The following NR6A1 variants were observed in gnomAD, a reference collection of about 807,000 sequenced individuals.
NR6A1 encodes the protein nuclear receptor subfamily 6 group A member 1.
NR6A1 carries 7 observed loss-of-function variants against 59.1 expected under a neutral mutation model. The ratio of observed to expected loss-of-function variants is 0.12; its 90% CI spans 0.07 to 0.22. The LOEUF (loss-of-function observed/expected upper bound fraction) is 0.22. NR6A1 is among the 10% of genes least tolerant of loss of function. The probability of loss-of-function intolerance (pLI) is 1.00; values close to 1 mark genes in which losing one functional copy is unlikely to be tolerated. For synonymous variants in NR6A1, 243 were observed against 236.1 expected (o/e 1.03, Z -0.27); for missense variants, 468 against 611.6 (o/e 0.77, Z 2.48).
At chr9:124,673,100 T>A (rs1036325233) in intron 2 of NR6A1, among the ~76,000 whole-genome samples, 2 of 152,166 alleles carry the variant, frequency 1.3e-5, no homozygotes, top group Non-Finnish European at 2.9e-5. Flanking sequence ...GGCTAGCGGA[T>A]TGCTTGAGCC....
chr9:124,611,179 A>G (rs1835731216), intron 2 of NR6A1, among the ~76,000 whole-genome samples: 1 of 152,106 alleles, frequency 6.6e-6, no homozygotes. Context: ...TTACCAAAAA[A>G]AAAACAAAAT....
At chr9:124,653,467 G>A (rs570756792) in intron 2 of NR6A1, among the ~76,000 whole-genome samples, 2 of 152,074 alleles carry the variant, frequency 1.3e-5, no homozygotes, top group Non-Finnish European at 2.9e-5. Context: ...CTGGAGTATG[G>A]TGGCATCATC....
chr9:124,526,946 G>A lies in NR6A1; in HGVS notation c.1080-46C>T, dbSNP rs201147948. 36 of 1,610,498 alleles carry A rather than the reference G, an allele frequency of 2.2e-5. No individual in the cohort carries two copies. The Admixed American group carries it at 3.7e-4, about 16-fold the overall frequency. ...TTAACAGTTGGCTGTGACACCAGTA[G>A]GGGCCAGGAAAGGGCAGCCAGAGAG... On this transcript the variant is annotated intron_variant, in intron 7 of 9. Transcript: ENST00000487099.
intron 2 of NR6A1, among the ~76,000 whole-genome samples, chr9:124,730,415 A>C (rs1225377336): frequency 1.3e-5 from 2 of 152,002 alleles, no homozygotes; most frequent in Non-Finnish European, 2.9e-5. Flanking sequence ...TTCTTTGCAG[A>C]GACGGGGCTC....
At chr9:124,679,819 C>T (rs1186825406) in intron 2 of NR6A1, among the ~76,000 whole-genome samples, 1 of 151,390 alleles carries the variant, frequency 6.6e-6, no homozygotes, top group Non-Finnish European at 1.5e-5. Flanking sequence ...ATAGCTTGAA[C>T]CAGGGAGGTG....
intron 1 of NR6A1, among the ~76,000 whole-genome samples, chr9:124,736,002 G>C (rs948956961): frequency 3.3e-5 from 5 of 152,142 alleles, no homozygotes; most frequent in Non-Finnish European, 7.4e-5. Flanking sequence ...CATAGTACCA[G>C]GCAATGAGAA....
intron 2 of NR6A1, among the ~76,000 whole-genome samples, chr9:124,586,625 T>A (rs1478372992): frequency 6.6e-6 from 1 of 151,950 alleles, no homozygotes; most frequent in Non-Finnish European, 1.5e-5. Context: ...TTTTTTAAAA[T>A]TTCAGTAGAG....
At chr9:124,744,916 C>T (rs1840281474) in intron 1 of NR6A1, among the ~76,000 whole-genome samples, 1 of 152,082 alleles carries the variant, frequency 6.6e-6, no homozygotes, top group Admixed American at 6.6e-5. Flanking sequence ...AAGAGATGTC[C>T]CACATGTGGC....
intron 2 of NR6A1, among the ~76,000 whole-genome samples, chr9:124,628,677 G>A (rs986282263): frequency 8.7e-5 from 13 of 149,594 alleles, no homozygotes; most frequent in Admixed American, 6.7e-4. Flanking sequence ...GTCTTGCTCC[G>A]TTGCCCAGGT....
chr9:124,750,319 G>A (rs1840459199), intron 1 of NR6A1, among the ~76,000 whole-genome samples: 1 of 152,158 alleles, frequency 6.6e-6, no homozygotes, highest in Admixed American at 6.5e-5. Context: ...CCCAGGGCCA[G>A]CATTTTTAAG....
chr9:124,611,173 C>CAA (rs11405761), intron 2 of NR6A1, among the ~76,000 whole-genome samples: 48 of 134,466 alleles, frequency 3.6e-4, no homozygotes, highest in African/African-American at 1.3e-3. Flanking sequence ...CTTCCCTTAC[C>CAA]AAAAAAAAAA....
At chr9:124,648,802 A>C (rs1295212949) in intron 2 of NR6A1, among the ~76,000 whole-genome samples, 1 of 152,152 alleles carries the variant, frequency 6.6e-6, no homozygotes, top group East Asian at 1.9e-4. Flanking sequence ...TCTATATGCC[A>C]ACAGCAAACA....
At chr9:124,692,286 GCA>G (rs1385478820) in intron 2 of NR6A1, among the ~76,000 whole-genome samples, 1 of 152,056 alleles carries the variant, frequency 6.6e-6, no homozygotes, top group African/African-American at 2.4e-5. Flanking sequence ...ACAAATTACT[GCA>G]CAGTCTATCC....
intron 2 of NR6A1, among the ~76,000 whole-genome samples, chr9:124,690,764 C>T (rs566968851): frequency 3.9e-5 from 6 of 152,174 alleles, no homozygotes; most frequent in African/African-American, 1.2e-4. Context: ...AGTATATAAA[C>T]CCCTTAGCCA....
At chr9:124,743,485 A>G (rs1431548067) in intron 1 of NR6A1, among the ~76,000 whole-genome samples, 1 of 152,228 alleles carries the variant, frequency 6.6e-6, no homozygotes. Flanking sequence ...TTAGGGGGAT[A>G]CTATGCCCAT....
intron 2 of NR6A1, among the ~76,000 whole-genome samples, chr9:124,628,177 G>A (rs1309840873): frequency 2.0e-5 from 3 of 151,336 alleles, no homozygotes; most frequent in Non-Finnish European, 4.4e-5. Context: ...ACAGGCGCAC[G>A]CCACCACACC....
chr9:124,642,676 G>T (rs922342742), intron 2 of NR6A1, among the ~76,000 whole-genome samples: 2 of 152,166 alleles, frequency 1.3e-5, no homozygotes, highest in Admixed American at 6.5e-5. Context: ...AGTGACCAAT[G>T]GAGGCAAGCT....
rs576125868 is a variant in NR6A1 at position 124,708,333 on chromosome 9, A to G, written c.142+24975T>C. ...ACTGTCAGGGCTGGGAGAAATAGGA[A>G]CAGGCCCAGGCAACACGACAAAACT... On this transcript the variant is annotated intron_variant, in intron 2 of 9. Transcript: ENST00000487099. Among the ~76,000 whole-genome samples, 4 of 152,328 alleles carry G rather than the reference A, an allele frequency of 2.6e-5. No individual in the cohort carries two copies. The South Asian group carries it at 8.3e-4, about 32-fold the overall frequency.
intron 3 of NR6A1, among the ~76,000 whole-genome samples, chr9:124,544,594 C>T (rs945158993): frequency 6.6e-6 from 1 of 152,130 alleles, no homozygotes; most frequent in African/African-American, 2.4e-5. Flanking sequence ...AGGATTTAGG[C>T]AGCCAGGAAA....
Sources: allele counts gnomAD v4.1 joint callset (sites outside exome capture counted in the v4.1 genomes callset), GRCh38; gene constraint gnomAD v4.1.1; transcripts MANE v1.5; gene names NCBI Gene and HGNC (gene_info 2026-07-23, HGNC 2026-07-21).